The following CCDC148 variants were observed in gnomAD, a reference collection of about 807,000 sequenced individuals.
The protein encoded by CCDC148 is coiled-coil domain-containing protein 148.
In CCDC148, 89 loss-of-function variants were observed where a neutral mutation model predicts 85.7. That is an observed-to-expected ratio of 1.04 (90% CI 0.87 to 1.24). The LOEUF is 1.24. Among genes scored for constraint, CCDC148 ranks in the 50% most tolerant of loss-of-function variants. The probability of loss-of-function intolerance (pLI) is 0.00; values close to 1 mark genes in which losing one functional copy is unlikely to be tolerated. For synonymous variants in CCDC148, 230 were observed against 213.9 expected (o/e 1.08, Z -0.66); for missense variants, 692 against 671.7 (o/e 1.03, Z -0.33).
intron 9 of CCDC148, among the ~76,000 whole-genome samples, chr2:158,299,223 C>T (rs142778274): frequency 6.6e-6 from 1 of 152,326 alleles, no homozygotes; most frequent in East Asian, 1.9e-4. Context: ...CTCCCCAGGC[C>T]TGTGTCCTGT....
At chr2:158,354,625 T>C (rs1274965662) in intron 2 of CCDC148, among the ~76,000 whole-genome samples, 1 of 152,148 alleles carries the variant, frequency 6.6e-6, no homozygotes, top group African/African-American at 2.4e-5. Context: ...CCAGATGGAT[T>C]CACAGCTGAA....
At chr2:158,307,375 C>G (rs1487176534) in intron 9 of CCDC148, among the ~76,000 whole-genome samples, 1 of 152,180 alleles carries the variant, frequency 6.6e-6, no homozygotes, top group African/African-American at 2.4e-5. Flanking sequence ...TGAGGTACCA[C>G]TACTCAGTCA....
chr2:158,224,055 A>G (rs1687351546), intron 10 of CCDC148, among the ~76,000 whole-genome samples: 1 of 152,164 alleles, frequency 6.6e-6, no homozygotes, highest in East Asian at 1.9e-4. Flanking sequence ...CATGGCAAAC[A>G]AGTTAAAAAC....
intron 10 of CCDC148, among the ~76,000 whole-genome samples, chr2:158,239,479 G>A (rs188952279): frequency 6.6e-6 from 1 of 152,042 alleles, no homozygotes; most frequent in Admixed American, 6.6e-5. Context: ...ACCATCTGTG[G>A]GTTACCACCA....
rs182261848 is a variant in CCDC148, at chr2:158,433,782, C to T, written c.25+22633G>A. On this transcript the variant is annotated intron_variant, in intron 1 of 13. Transcript: ENST00000283233. Reference sequence around the variant, plus strand: ...TCAGGACACTCACATCCTAATACTGCGCTTTTCCAAGGGTCTTAGCAAATG... The same window carrying T: ...TCAGGACACTCACATCCTAATACTGTGCTTTTCCAAGGGTCTTAGCAAATG... Among the ~76,000 whole-genome samples the T allele has an allele frequency of 3.8e-3, 581 of 152,298 alleles. 2 individuals carry two copies. The highest frequency in any genetic ancestry group is 0.013 in the African/African-American group (555 of 41,564).
chr2:158,194,442 C>T (rs1316902633), intron 11 of CCDC148, among the ~76,000 whole-genome samples: 1 of 152,144 alleles, frequency 6.6e-6, no homozygotes, highest in African/African-American at 2.4e-5. Flanking sequence ...AGACCTGTCT[C>T]ACCAGCAGGG....
chr2:158,335,245 A>C (rs1200445396), intron 7 of CCDC148, among the ~76,000 whole-genome samples: 3 of 152,170 alleles, frequency 2.0e-5, no homozygotes, highest in Admixed American at 2.0e-4. Flanking sequence ...GCAGAAGAAA[A>C]GATACTGCTT....
chr2:158,440,370 G>A (rs984225869), intron 1 of CCDC148, among the ~76,000 whole-genome samples: 1 of 151,996 alleles, frequency 6.6e-6, no homozygotes, highest in Non-Finnish European at 1.5e-5. Flanking sequence ...CAAAAAAACT[G>A]TACATAAATA....
intron 1 of CCDC148, among the ~76,000 whole-genome samples, chr2:158,366,532 A>G (rs987882013): frequency 2.6e-5 from 4 of 152,190 alleles, no homozygotes; most frequent in African/African-American, 9.7e-5. Flanking sequence ...GATAGCCTCC[A>G]GCTGTCACCC....
At chr2:158,456,294 T>G in intron 1 of CCDC148, 121 bp downstream of exon 1, 1 of 981,456 alleles carries the variant, frequency 1.0e-6, no homozygotes, top group Non-Finnish European at 1.6e-6. Flanking sequence ...ACCCAAAACG[T>G]TGAGGAAAGA....
intron 9 of CCDC148, among the ~76,000 whole-genome samples, chr2:158,275,901 T>G (rs1053015402): frequency 6.6e-6 from 1 of 152,110 alleles, no homozygotes; most frequent in East Asian, 1.9e-4. Flanking sequence ...CCATAGAAAT[T>G]TATGGCCTGA....
At chr2:158,279,882 T>C (rs1330709590) in intron 9 of CCDC148, among the ~76,000 whole-genome samples, 1 of 151,088 alleles carries the variant, frequency 6.6e-6, no homozygotes, top group Non-Finnish European at 1.5e-5. Flanking sequence ...GAGAGAAAGG[T>C]CGGGTTACCG....
At chr2:158,436,074 A>G (rs1269692574) in intron 1 of CCDC148, among the ~76,000 whole-genome samples, 1 of 152,230 alleles carries the variant, frequency 6.6e-6, no homozygotes, top group East Asian at 1.9e-4. Context: ...TCAATGAGAC[A>G]GAAAGTTAAC....
Position 158,338,820 on chromosome 2 carries a change from A to C in CCDC148, c.670T>G (p.Leu224Val), listed in dbSNP as rs1182776386. The C allele has an allele frequency of 6.2e-7, 1 of 1,612,726 alleles. No homozygotes were observed. The highest frequency in any genetic ancestry group is 8.5e-7 in the Non-Finnish European group (1 of 1,179,626). Reference protein sequence around the residue: ...LESLECPYPDLKSSILSEFYK... With the variant: ...LESLECPYPDVKSSILSEFYK... ...AACTCACTGAGAATTGAAGATTTCA[A>C]ATCAGGGTATGGGCATTCCAAACTT... The change falls in exon 7 of 14, where the codon TTG (leucine) becomes GTG (valine). Residue 224 changes from leucine (L) to valine (V), a missense_variant. Physicochemically the swap from Leu to Val is conservative, Grantham distance 32 (BLOSUM62 1). Transcript: ENST00000283233.
At chr2:158,262,345 A>G (rs1212099722) in intron 9 of CCDC148, among the ~76,000 whole-genome samples, 2 of 151,892 alleles carry the variant, frequency 1.3e-5, no homozygotes, top group Non-Finnish European at 2.9e-5. Flanking sequence ...ACAACAGACA[A>G]TGGAGTCTAT....
intron 10 of CCDC148, among the ~76,000 whole-genome samples, chr2:158,250,166 C>A (rs538908659): frequency 6.6e-6 from 1 of 151,982 alleles, no homozygotes; most frequent in South Asian, 2.1e-4. Flanking sequence ...AACAAAACAA[C>A]CCTTAAGTGT....
At chr2:158,339,667 C>A (rs1216491504) in intron 5 of CCDC148, among the ~76,000 whole-genome samples, 1 of 152,068 alleles carries the variant, frequency 6.6e-6, no homozygotes, top group Non-Finnish European at 1.5e-5. Flanking sequence ...TGTGGCTTCT[C>A]AGCACAGGCC....
intron 1 of CCDC148, among the ~76,000 whole-genome samples, chr2:158,421,086 A>C (rs919738224): frequency 6.6e-6 from 1 of 152,198 alleles, no homozygotes; most frequent in African/African-American, 2.4e-5. Context: ...AGATTCATAA[A>C]GCAAGTTCTT....
At chr2:158,377,561 G>T (rs912187636) in intron 1 of CCDC148, among the ~76,000 whole-genome samples, 11 of 152,024 alleles carry the variant, frequency 7.2e-5, no homozygotes, top group African/African-American at 2.7e-4. Context: ...ACACATTGTT[G>T]GTGGGTATCT....
Sources: gnomAD v4.1 joint callset for allele counts (sites outside exome capture counted in the v4.1 genomes callset) on GRCh38, gnomAD v4.1.1 for gene constraint, MANE v1.5 for transcripts, NCBI Gene and HGNC (gene_info 2026-07-23, HGNC 2026-07-21) for gene names.